Variants in USP34 observed in about 807,000 individuals in gnomAD.
USP34 encodes the protein ubiquitin specific peptidase 34, also known as ubiquitin carboxyl-terminal hydrolase 34.
Under a neutral mutation model 460.3 loss-of-function variants are expected in USP34, and 70 were observed. The observed-to-expected ratio is 0.15, with a 90% CI of 0.13 to 0.19. The LOEUF is 0.19. Ranked by LOEUF, USP34 falls within the 10% of genes least tolerant of loss-of-function variation. The pLI is 1.00. For synonymous variants in USP34, 1,647 were observed against 1,405.3 expected, an observed-to-expected ratio of 1.17 and a Z score of -3.85; for missense variants, 3,985 against 4,236.2, an observed-to-expected ratio of 0.94 and a Z score of 1.65.
At chr2:61,307,634 C>G (rs978385176) in intron 27 of USP34, among the ~76,000 whole-genome samples, 1 of 151,532 alleles carries the variant, frequency 6.6e-6, no homozygotes, top group Non-Finnish European at 1.5e-5. Flanking sequence ...AAATATCCAT[C>G]AACAATGAAG....
chr2:61,373,583 T>A (rs916554208), intron 8 of USP34, among the ~76,000 whole-genome samples: 1 of 152,102 alleles, frequency 6.6e-6, no homozygotes, highest in East Asian at 1.9e-4. Flanking sequence ...AGGATCAAGT[T>A]ACCAGGAATA....
intron 35 of USP34, among the ~76,000 whole-genome samples, chr2:61,283,826 T>C (rs1689608001): frequency 1.3e-5 from 2 of 152,128 alleles, no homozygotes; most frequent in East Asian, 1.9e-4. Context: ...CCATTATTTA[T>C]TTGTTTTATA....
chr2:61,432,086 A>G (rs1421408360), intron 1 of USP34, among the ~76,000 whole-genome samples: 1 of 151,998 alleles, frequency 6.6e-6, no homozygotes, highest in Non-Finnish European at 1.5e-5. Context: ...CACGCCTGTA[A>G]TCACAGCACT....
At chr2:61,454,582 C>T (rs1558604551) in intron 1 of USP34, among the ~76,000 whole-genome samples, 1 of 152,138 alleles carries the variant, frequency 6.6e-6, no homozygotes, top group South Asian at 2.1e-4. Context: ...TGGAGTCTCC[C>T]TCTGTCGCCC....
chr2:61,195,852 C>A (rs879677590), intron 75 of USP34, among the ~76,000 whole-genome samples: 1 of 150,836 alleles, frequency 6.6e-6, no homozygotes, highest in Non-Finnish European at 1.5e-5. Flanking sequence ...CTGTATACTA[C>A]AATTTCTCTA....
At chr2:61,263,921 A>G (rs1688972124) in intron 43 of USP34, among the ~76,000 whole-genome samples, 3 of 152,208 alleles carry the variant, frequency 2.0e-5, no homozygotes, top group Admixed American at 6.5e-5. Flanking sequence ...TCTACTCATA[A>G]TCAGCACATC....
intron 1 of USP34, among the ~76,000 whole-genome samples, chr2:61,457,760 C>A (rs1279461702): frequency 6.6e-6 from 1 of 152,066 alleles, no homozygotes; most frequent in South Asian, 2.1e-4. Flanking sequence ...ACTTGGGAGG[C>A]TCTTTTGAGC....
rs144130127 is a variant in USP34, at chr2:61,242,645, C to T, written c.6628-826G>A. Among the ~76,000 whole-genome samples, 30 of 152,110 alleles carry T rather than the reference C, an allele frequency of 2.0e-4. No homozygotes were observed. In the East Asian group the frequency reaches 5.2e-3, roughly 26 times the overall value. On this transcript the variant is annotated intron_variant, in intron 51 of 79. Transcript: ENST00000398571. ...AGGTAAGTGAACATATGGCATATTA[C>T]GAGAATTTAGTGGTGGGGCTTCTGA...
chr2:61,206,206 G>A (rs1687113963), intron 71 of USP34, 82 bp from the exon 72 acceptor site: 2 of 1,145,872 alleles, frequency 1.7e-6, no homozygotes, highest in Non-Finnish European at 2.6e-6. Context: ...ACTACAGAAT[G>A]CTAATGCTAG....
In USP34 at chr2:61,349,240, C is replaced by G; in HGVS notation, c.1543+10G>C. 6.2e-7 allele frequency: 1 copy of G among 1,610,556 alleles called. No individual in the cohort carries two copies. Among genetic ancestry groups the G allele is most frequent in the Non-Finnish European group, 8.5e-7 (1 of 1,179,072 alleles). On this transcript the variant is annotated intron_variant, in intron 13 of 79. Coordinates refer to ENST00000398571, the MANE Select transcript of USP34 (RefSeq NM_014709.4). The stretch of plus-strand genomic sequence containing the variant: ...GTCATGTTGCCATGAATTTCTAAGG[C>G]TCAACTTACAAGGTGATGGAGCTGT...
At chr2:61,203,001 T>C (rs1400386343) in intron 75 of USP34, 139 bp downstream of exon 75, 6 of 947,798 alleles carry the variant, frequency 6.3e-6, no homozygotes, top group South Asian at 4.8e-5. Context: ...AATTAAAATG[T>C]TCCCAAGAAT....
intron 13 of USP34, 78 bp from the exon 14 acceptor site, chr2:61,348,964 T>G: frequency 5.5e-6 from 8 of 1,458,468 alleles, no homozygotes; most frequent in Non-Finnish European, 7.3e-6. Context: ...ATCATTTGAT[T>G]CCTTGACCTA....
intron 10 of USP34, 88 bp from the exon 11 acceptor site, chr2:61,350,781 AG>A: frequency 7.1e-7 from 1 of 1,400,950 alleles, no homozygotes; most frequent in African/African-American, 1.5e-5. Flanking sequence ...AAAGTCAAAA[AG>A]TTGGCCAGTA....
intron 32 of USP34, among the ~76,000 whole-genome samples, 157 bp from the exon 33 acceptor site, chr2:61,293,707 G>A (rs2103620418): frequency 1.3e-5 from 2 of 152,206 alleles, no homozygotes; most frequent in South Asian, 4.2e-4. Flanking sequence ...AAAATAATAA[G>A]ATAAAGGCTA....
At chr2:61,197,094 G>C (rs1686832120) in intron 75 of USP34, among the ~76,000 whole-genome samples, 1 of 152,072 alleles carries the variant, frequency 6.6e-6, no homozygotes, top group Admixed American at 6.5e-5. Context: ...GGCCAACATA[G>C]TGAAACCCCC....
At chr2:61,453,884 G>A (rs1173935061) in intron 1 of USP34, among the ~76,000 whole-genome samples, 8 of 152,000 alleles carry the variant, frequency 5.3e-5, no homozygotes, top group Admixed American at 1.3e-4. Flanking sequence ...AAAGTAGGCT[G>A]CCATTAAATT....
At chr2:61,365,944 C>CTACTTATTTATT (rs1553377153) in intron 10 of USP34, among the ~76,000 whole-genome samples, 2 of 150,302 alleles carry the variant, frequency 1.3e-5, no homozygotes, top group Middle Eastern at 3.4e-3. Flanking sequence ...CTGGGAACAC[C>CTACTTATTTATT]TATTTATTTA....
chr2:61,385,888 T>G (rs1281616364), intron 5 of USP34, among the ~76,000 whole-genome samples: 2 of 148,106 alleles, frequency 1.4e-5, no homozygotes, highest in African/African-American at 2.5e-5. Flanking sequence ...CCCAGCTACT[T>G]GGGATGCTGA....
At position 61,227,220 on chromosome 2, in the gene USP34, T is replaced by TA; in HGVS notation, c.7444-3dup. 6.2e-7 allele frequency: 1 copy of TA among 1,604,854 alleles called. No homozygotes were observed. Among genetic ancestry groups the TA allele is most frequent in the Non-Finnish European group, 8.5e-7 (1 of 1,175,234 alleles). ...CTCTGATAACACTTCAACTTGAGGC[T>TA]AAGTTGGAATAAAATTCAATTTTAA... On this transcript the variant is annotated splice_region_variant and splice_polypyrimidine_tract_variant and intron_variant, in intron 61 of 79. Coordinates refer to ENST00000398571, the MANE Select transcript of USP34 (RefSeq NM_014709.4).
Sources: gnomAD v4.1 joint callset for allele counts (sites outside exome capture counted in the v4.1 genomes callset) on GRCh38, gnomAD v4.1.1 for gene constraint, MANE v1.5 for transcripts, NCBI Gene and HGNC (gene_info 2026-07-23, HGNC 2026-07-21) for gene names.